The following PIBF1 variants were observed in gnomAD, a reference collection of about 807,000 sequenced individuals.
The protein encoded by PIBF1 is progesterone immunomodulatory binding factor 1.
Under a neutral mutation model 112.5 loss-of-function variants are expected in PIBF1, and 90 were observed. That is an observed-to-expected ratio of 0.80 (90% CI 0.67 to 0.95). The LOEUF (loss-of-function observed/expected upper bound fraction) is 0.95. Ranked by LOEUF, PIBF1 falls within the 40% of genes least tolerant of loss-of-function variation. The pLI, the probability that PIBF1 is intolerant of heterozygous loss-of-function variation, is 0.00. For synonymous variants in PIBF1, 301 were observed against 288.6 expected (o/e 1.04, Z -0.44); for missense variants, 915 against 852.3 (o/e 1.07, Z -0.92).
chr13:72,917,212 G>A, intron 13 of PIBF1, 46 bp downstream of exon 13: 2 of 1,136,352 alleles, frequency 1.8e-6, no homozygotes. Flanking sequence ...CAAGATGAAT[G>A]TAATTACATT....
At chr13:72,943,426 C>A (rs1490242175) in intron 14 of PIBF1, among the ~76,000 whole-genome samples, 1 of 152,210 alleles carries the variant, frequency 6.6e-6, no homozygotes, top group Non-Finnish European at 1.5e-5. Context: ...TTGATTTTCA[C>A]ATATGCATGT....
chr13:72,936,068 C>G (rs1367391469), intron 14 of PIBF1, among the ~76,000 whole-genome samples: 3 of 151,750 alleles, frequency 2.0e-5, no homozygotes, highest in Non-Finnish European at 4.4e-5. Context: ...CACTCTGTTG[C>G]CCAGGTTGGA....
At chr13:72,976,064 G>A (rs928421591) in intron 16 of PIBF1, among the ~76,000 whole-genome samples, 6 of 152,138 alleles carry the variant, frequency 3.9e-5, no homozygotes, top group African/African-American at 7.2e-5. Context: ...AAAACTTTGC[G>A]TGGTGGATTG....
At position 73,015,348 on chromosome 13, in the gene PIBF1, A is replaced by G. The variant is rs1004287287; in HGVS notation, c.2224-521A>G. Among the ~76,000 whole-genome samples, 17 of 151,960 alleles carry G rather than the reference A, an allele frequency of 1.1e-4. No individual in the cohort carries two copies. In the South Asian group the frequency reaches 2.7e-3, roughly 24 times the overall value. On this transcript the variant is annotated intron_variant, in intron 17 of 17. Transcript: ENST00000326291. ...TTCTGAATGTTTTATTCTGTAATTC[A>G]CCTCCCCTGCCTTTTTCTTTCTATT...
chr13:73,010,810 C>CTTTTTTTTTTTTTTTT (rs1176079981), intron 17 of PIBF1, among the ~76,000 whole-genome samples: 587 of 40,326 alleles, frequency 0.015, 141 homozygotes, highest in Non-Finnish European at 0.016. Context: ...ATTAACTTTT[C>CTTTTTTTTTTTTTTTT]TTTTTTTTTT....
intron 5 of PIBF1, among the ~76,000 whole-genome samples, chr13:72,816,583 G>A (rs2036283354): frequency 6.6e-6 from 1 of 151,262 alleles, no homozygotes; most frequent in Non-Finnish European, 1.5e-5. Context: ...ATCATCTGAG[G>A]TCGGGAGGTT....
intron 3 of PIBF1, among the ~76,000 whole-genome samples, chr13:72,794,921 A>C (rs558795350): frequency 1.3e-5 from 2 of 152,300 alleles, no homozygotes; most frequent in South Asian, 4.1e-4. Context: ...GTATGTGCAG[A>C]TTACTGTTTT....
chr13:72,792,325 G>T, intron 2 of PIBF1, 122 bp from the exon 3 acceptor site: 1 of 640,832 alleles, frequency 1.6e-6, no homozygotes. Flanking sequence ...GAGCCCCTGT[G>T]CCTGGTCCCT....
intron 14 of PIBF1, among the ~76,000 whole-genome samples, chr13:72,939,486 A>G (rs1210257520): frequency 1.3e-5 from 2 of 152,084 alleles, no homozygotes; most frequent in African/African-American, 4.8e-5. Flanking sequence ...ACAATATGTG[A>G]CGTTTTGTGT....
chr13:72,923,016 T>A (rs990182185), intron 13 of PIBF1, among the ~76,000 whole-genome samples: 2 of 152,184 alleles, frequency 1.3e-5, no homozygotes, highest in African/African-American at 4.8e-5. Flanking sequence ...TGTCCCCTTC[T>A]TTGCAACCAT....
Position 72,852,243 on chromosome 13 carries a change from A to G in PIBF1, c.1224-1814A>G, listed in dbSNP as rs9530103. Among the ~76,000 whole-genome samples the G allele has an allele frequency of 6.0e-3, 920 of 152,238 alleles. 5 individuals are homozygous for G. Among genetic ancestry groups the G allele is most frequent in the Non-Finnish European group, 0.011 (726 of 67,996 alleles). ...GAGCTCCCTGAGCAAGGGCTCTGAC[A>G]CCTGTTTGGGGCTCTGCAGTTCCTG... On this transcript the variant is annotated intron_variant, in intron 9 of 17. Coordinates refer to ENST00000326291, the MANE Select transcript of PIBF1 (RefSeq NM_006346.4).
At chr13:72,877,721 C>A (rs764425674) in intron 10 of PIBF1, among the ~76,000 whole-genome samples, 7 of 151,054 alleles carry the variant, frequency 4.6e-5, no homozygotes, top group Non-Finnish European at 8.9e-5. Context: ...TAATAATGAC[C>A]ACTGTTTCAT....
intron 17 of PIBF1, among the ~76,000 whole-genome samples, chr13:73,010,872 G>A (rs959995174): frequency 1.1e-5 from 1 of 94,768 alleles, no homozygotes; most frequent in African/African-American, 4.6e-5. Flanking sequence ...TGTTGTCCAG[G>A]GTGGAGTGCA....
At chr13:72,961,427 A>G (rs938125746) in intron 14 of PIBF1, among the ~76,000 whole-genome samples, 2 of 152,174 alleles carry the variant, frequency 1.3e-5, no homozygotes, top group Admixed American at 1.3e-4. Context: ...ATACTTTAAA[A>G]GTATATAGAT....
intron 17 of PIBF1, among the ~76,000 whole-genome samples, chr13:73,010,878 G>T (rs1423329140): frequency 9.3e-6 from 1 of 107,776 alleles, no homozygotes; most frequent in Non-Finnish European, 1.8e-5. Flanking sequence ...CCAGGGTGGA[G>T]TGCAATGGTG....
rs181700362 is a variant in PIBF1, at chr13:72,797,910, C to T, written c.556C>T (p.Arg186Cys). 47 of 1,573,876 alleles carry T rather than the reference C, an allele frequency of 3.0e-5. No individual in the cohort carries two copies. In the East Asian group the frequency reaches 5.0e-4, roughly 17 times the overall value. ...TATTAATTTAATTTTTTTCAAGGTT[C>T]GCTTCTATGAGCTAGTGAATCCATT... ...QLSIPEYVSV[R>C]FYELVNPLRK... Residue 186 changes from arginine to cysteine, a missense_variant, in exon 5 of 18, where the codon CGC (arginine) becomes TGC (cysteine). Transcript: ENST00000326291.
At chr13:72,996,095 G>T (rs2043655351) in intron 16 of PIBF1, among the ~76,000 whole-genome samples, 2 of 119,098 alleles carry the variant, frequency 1.7e-5, no homozygotes, top group Admixed American at 8.9e-5. Context: ...AGCGGGGGGG[G>T]GGGGTCATAA....
At chr13:72,808,337 C>T (rs2035839501) in intron 5 of PIBF1, among the ~76,000 whole-genome samples, 1 of 152,122 alleles carries the variant, frequency 6.6e-6, no homozygotes, top group African/African-American at 2.4e-5. Flanking sequence ...CACTGGGTCA[C>T]CTTGGAGTTG....
chr13:72,937,953 T>C (rs1250061580), intron 14 of PIBF1, among the ~76,000 whole-genome samples: 1 of 152,254 alleles, frequency 6.6e-6, no homozygotes, highest in Non-Finnish European at 1.5e-5. Context: ...TTTCAAACTG[T>C]TATCTATTCC....
Sources: allele counts gnomAD v4.1 joint callset (sites outside exome capture counted in the v4.1 genomes callset), GRCh38; gene constraint gnomAD v4.1.1; transcripts MANE v1.5; gene names NCBI Gene and HGNC (gene_info 2026-07-23, HGNC 2026-07-21).